Variants in CNTNAP2 observed in about 807,000 individuals in gnomAD.
CNTNAP2 encodes contactin associated protein 2.
CNTNAP2 carries 98 observed loss-of-function variants against 155.2 expected under a neutral mutation model. The observed-to-expected ratio is 0.63, with a 90% CI of 0.54 to 0.75. The LOEUF is 0.75. Ranked by LOEUF, CNTNAP2 falls within the 30% of genes least tolerant of loss-of-function variation. The pLI is 0.00. For missense variants in CNTNAP2, 1,727 were observed against 1,688.1 expected, an observed-to-expected ratio of 1.02 and a Z score of -0.40; for synonymous variants, 651 against 631.2, an observed-to-expected ratio of 1.03 and a Z score of -0.47.
At chr7:146,316,743 T>C (rs1475284924) in intron 1 of CNTNAP2, among the ~76,000 whole-genome samples, 3 of 149,458 alleles carry the variant, frequency 2.0e-5, no homozygotes, top group East Asian at 3.9e-4. Flanking sequence ...GTTTTAAATG[T>C]GTTCAGGTTT....
chr7:147,133,728 G>A (rs1801423138), intron 8 of CNTNAP2, among the ~76,000 whole-genome samples: 1 of 151,934 alleles, frequency 6.6e-6, no homozygotes, highest in Non-Finnish European at 1.5e-5. Flanking sequence ...GTTTGTGTGT[G>A]GCCTGAATGT....
chr7:146,720,828 G>C (rs1012090422), intron 1 of CNTNAP2, among the ~76,000 whole-genome samples: 2 of 145,450 alleles, frequency 1.4e-5, no homozygotes, highest in African/African-American at 5.0e-5. Context: ...TCTTTTGAAA[G>C]CTATTATTTA....
At chr7:146,819,603 G>A (rs945730439) in intron 2 of CNTNAP2, among the ~76,000 whole-genome samples, 1 of 151,928 alleles carries the variant, frequency 6.6e-6, no homozygotes, top group Admixed American at 6.6e-5. Flanking sequence ...AGCTACTGAT[G>A]ACTCCTAAAT....
intron 1 of CNTNAP2, among the ~76,000 whole-genome samples, chr7:146,690,222 G>T (rs1339983203): frequency 6.6e-6 from 1 of 151,988 alleles, no homozygotes; most frequent in East Asian, 1.9e-4. Context: ...AACCATAATT[G>T]CATAAATTAC....
intron 20 of CNTNAP2, among the ~76,000 whole-genome samples, chr7:148,259,579 T>C (rs1179156558): frequency 6.6e-6 from 1 of 152,138 alleles, no homozygotes; most frequent in Admixed American, 6.5e-5. Flanking sequence ...TGCCTTGAAA[T>C]TGTGTCCTTC....
At chr7:146,919,611 G>C (rs1585157717) in intron 3 of CNTNAP2, among the ~76,000 whole-genome samples, 1 of 152,220 alleles carries the variant, frequency 6.6e-6, no homozygotes, top group Non-Finnish European at 1.5e-5. Flanking sequence ...AGTGGACTCT[G>C]TTAGGGTCCT....
intron 1 of CNTNAP2, among the ~76,000 whole-genome samples, chr7:146,473,179 G>C (rs1418924840): frequency 6.6e-6 from 1 of 151,920 alleles, no homozygotes; most frequent in East Asian, 1.9e-4. Flanking sequence ...TTCTCTGGCA[G>C]GGTCAGGGAA....
At chr7:147,647,106 G>C (rs751191390) in intron 13 of CNTNAP2, among the ~76,000 whole-genome samples, 11 of 151,604 alleles carry the variant, frequency 7.3e-5, no homozygotes, top group South Asian at 4.2e-4. Flanking sequence ...TCCTGCCTCA[G>C]CCTCCTGAGT....
intron 1 of CNTNAP2, among the ~76,000 whole-genome samples, chr7:146,583,731 T>G (rs1024281100): frequency 4.6e-5 from 7 of 152,200 alleles, no homozygotes; most frequent in African/African-American, 1.7e-4. Context: ...AATATCAGTT[T>G]CCTTTAGCAT....
intron 1 of CNTNAP2, among the ~76,000 whole-genome samples, chr7:146,696,124 C>A (rs1800779065): frequency 6.6e-6 from 1 of 152,036 alleles, no homozygotes; most frequent in African/African-American, 2.4e-5. Flanking sequence ...TTAAATTCTT[C>A]CTTGGGAGTT....
chr7:146,638,483 T>TTTC, intron 1 of CNTNAP2, among the ~76,000 whole-genome samples: 1 of 98,792 alleles, frequency 1.0e-5, no homozygotes, highest in Non-Finnish European at 2.0e-5. Flanking sequence ...TTTCTTTTTT[T>TTTC]TTTTTTTTTT....
At chr7:146,656,115 C>T (rs1799992442) in intron 1 of CNTNAP2, among the ~76,000 whole-genome samples, 1 of 152,198 alleles carries the variant, frequency 6.6e-6, no homozygotes. Flanking sequence ...AAACCGCAAC[C>T]CGGTTAACCA....
intron 1 of CNTNAP2, among the ~76,000 whole-genome samples, chr7:146,152,838 A>G (rs924784022): frequency 1.3e-5 from 2 of 152,072 alleles, no homozygotes; most frequent in Non-Finnish European, 2.9e-5. Context: ...AGGACCTTAT[A>G]ACTTCCTACT....
chr7:147,339,830 A>C (rs1274446316), intron 9 of CNTNAP2, among the ~76,000 whole-genome samples: 1 of 152,198 alleles, frequency 6.6e-6, no homozygotes, highest in Admixed American at 6.5e-5. Flanking sequence ...CCATTTGAGA[A>C]CATCATAGAG....
rs539096660 is a variant in CNTNAP2, at chr7:147,951,127, G to A, written c.2256-26735G>A. 5.8e-4 allele frequency among the ~76,000 whole-genome samples: 89 copies of A among 152,292 alleles called. 1 individual carries two copies. The highest frequency in any genetic ancestry group is 1.4e-3 in the Admixed American group (21 of 15,286). On this transcript the variant is annotated intron_variant, in intron 14 of 23. Coordinates refer to ENST00000361727, the MANE Select transcript of CNTNAP2 (RefSeq NM_014141.6). ...AGCGATTTAATTCTCAGGCCCAGCC[G>A]AGGACTCTCAGAGGGCAGAGAGAAA...
chr7:146,912,746 G>T (rs192907834), intron 3 of CNTNAP2, among the ~76,000 whole-genome samples: 1 of 152,030 alleles, frequency 6.6e-6, no homozygotes, highest in African/African-American at 2.4e-5. Flanking sequence ...AAAAACAAAG[G>T]CTTTAGTACT....
At chr7:146,519,444 T>G (rs1049803056) in intron 1 of CNTNAP2, among the ~76,000 whole-genome samples, 4 of 151,888 alleles carry the variant, frequency 2.6e-5, no homozygotes, top group African/African-American at 9.7e-5. Flanking sequence ...ATAGCTCTAT[T>G]ACCTATATAA....
chr7:148,170,743 T>C (rs1805773361), intron 17 of CNTNAP2, among the ~76,000 whole-genome samples: 1 of 152,210 alleles, frequency 6.6e-6, no homozygotes, highest in South Asian at 2.1e-4. Flanking sequence ...TTTGCAGGCA[T>C]AAGCAGATGC....
intron 8 of CNTNAP2, among the ~76,000 whole-genome samples, chr7:147,282,068 C>T (rs538441695): frequency 1.3e-4 from 20 of 151,922 alleles, no homozygotes; most frequent in Admixed American, 6.6e-4. Context: ...TTCGCTCATC[C>T]GGCTTACTGT....
Sources: gnomAD v4.1 joint callset for allele counts (sites outside exome capture counted in the v4.1 genomes callset) on GRCh38, gnomAD v4.1.1 for gene constraint, MANE v1.5 for transcripts, NCBI Gene and HGNC (gene_info 2026-07-23, HGNC 2026-07-21) for gene names.